CFAP299: variants seen among roughly 807,000 people sequenced by gnomAD.
CFAP299 encodes cilia and flagella associated protein 299, also known as cilia- and flagella-associated protein 299.
Under a neutral mutation model 27.0 loss-of-function variants are expected in CFAP299, and 21 were observed. The ratio of observed to expected loss-of-function variants is 0.78; its 90% CI spans 0.55 to 1.12. The LOEUF is 1.12. CFAP299 is among the 50% of genes most tolerant of loss of function. The pLI is 0.00. For missense variants in CFAP299, 310 were observed against 276.6 expected (o/e 1.12, Z -0.86); for synonymous variants, 104 against 98.1 (o/e 1.06, Z -0.36).
At chr4:80,737,670 T>G (rs1256954158) in intron 3 of CFAP299, among the ~76,000 whole-genome samples, 1 of 152,104 alleles carries the variant, frequency 6.6e-6, no homozygotes, top group African/African-American at 2.4e-5. Context: ...CCTCTGTCTT[T>G]TTTTCTTAGT....
chr4:80,935,617 A>G (rs929926158), intron 4 of CFAP299, among the ~76,000 whole-genome samples: 1 of 152,118 alleles, frequency 6.6e-6, no homozygotes, highest in South Asian at 2.1e-4. Context: ...AAAATCCTGG[A>G]AGACAAGCTA....
chr4:80,647,365 C>T (rs944668688), intron 3 of CFAP299, among the ~76,000 whole-genome samples: 3 of 152,100 alleles, frequency 2.0e-5, no homozygotes, highest in African/African-American at 7.2e-5. Flanking sequence ...TGAAAAATAT[C>T]AAGTAATGTT....
At chr4:80,933,471 A>G (rs113479542) in intron 4 of CFAP299, among the ~76,000 whole-genome samples, 12 of 152,192 alleles carry the variant, frequency 7.9e-5, no homozygotes, top group African/African-American at 2.4e-4. Context: ...AAATGGCAGG[A>G]TTTCCTTCTC....
At chr4:80,814,908 T>C (rs1456211704) in intron 3 of CFAP299, among the ~76,000 whole-genome samples, 3 of 151,962 alleles carry the variant, frequency 2.0e-5, no homozygotes, top group African/African-American at 7.2e-5. Flanking sequence ...ATCAGGGAAG[T>C]GCCTAAAGGG....
chr4:80,657,899 A>G (rs1025716427), intron 3 of CFAP299, among the ~76,000 whole-genome samples: 3 of 151,848 alleles, frequency 2.0e-5, no homozygotes, highest in African/African-American at 7.2e-5. Flanking sequence ...CCTCTCAAAT[A>G]ATTTCCTTGA....
chr4:80,685,109 T>C (rs7656507), intron 3 of CFAP299, among the ~76,000 whole-genome samples: 11,511 of 152,260 alleles, frequency 0.076, 643 homozygotes, highest in East Asian at 0.22. Flanking sequence ...AAAATCAGAA[T>C]TAAATACTCT....
chr4:80,561,840 C>G (rs1270252907), intron 2 of CFAP299, among the ~76,000 whole-genome samples: 1 of 152,086 alleles, frequency 6.6e-6, no homozygotes, highest in African/African-American at 2.4e-5. Context: ...AAGGGCAAAT[C>G]ACAGAAAAAC....
At chr4:80,355,351 T>C (rs578200981) in intron 1 of CFAP299, among the ~76,000 whole-genome samples, 1 of 136,396 alleles carries the variant, frequency 7.3e-6, no homozygotes, top group Admixed American at 8.5e-5. Context: ...TTCATGTCCT[T>C]TGCTTTTTTT....
intron 3 of CFAP299, among the ~76,000 whole-genome samples, chr4:80,869,534 G>A (rs990645056): frequency 6.6e-6 from 1 of 152,040 alleles, no homozygotes; most frequent in Non-Finnish European, 1.5e-5. Flanking sequence ...TTTCTTTGGA[G>A]ACGGAGTCTT....
intron 5 of CFAP299, among the ~76,000 whole-genome samples, chr4:80,962,498 T>C (rs1234291804): frequency 6.6e-6 from 1 of 151,878 alleles, no homozygotes; most frequent in Non-Finnish European, 1.5e-5. Context: ...TGTATACATA[T>C]GTAACTAACC....
At chr4:80,343,799 T>TAAAAAAAAA (rs35187249) in intron 1 of CFAP299, among the ~76,000 whole-genome samples, 2 of 75,360 alleles carry the variant, frequency 2.7e-5, no homozygotes, top group African/African-American at 6.0e-5. Flanking sequence ...AGACTCCGTC[T>TAAAAAAAAA]AAAAAAAAAA....
chr4:80,861,414 C>A (rs1244859629), intron 3 of CFAP299, among the ~76,000 whole-genome samples: 1 of 152,170 alleles, frequency 6.6e-6, no homozygotes, highest in Non-Finnish European at 1.5e-5. Flanking sequence ...TGCACTGAAC[C>A]CACTGACCTG....
At chr4:80,535,983 G>A (rs1426927502) in intron 2 of CFAP299, among the ~76,000 whole-genome samples, 1 of 152,156 alleles carries the variant, frequency 6.6e-6, no homozygotes, top group Non-Finnish European at 1.5e-5. Context: ...ACCACTGTGT[G>A]TGTTGAAGAT....
At chr4:80,447,603 C>T (rs970508688) in intron 2 of CFAP299, among the ~76,000 whole-genome samples, 13 of 151,952 alleles carry the variant, frequency 8.6e-5, no homozygotes, top group African/African-American at 2.9e-4. Flanking sequence ...TACAGGTATG[C>T]GCCACCATGC....
At chr4:80,615,408 G>GGAAGTCATACTTATTTACAAAGTAAA (rs1357563528) in intron 3 of CFAP299, among the ~76,000 whole-genome samples, 7 of 152,046 alleles carry the variant, frequency 4.6e-5, no homozygotes, top group Non-Finnish European at 8.8e-5. Context: ...ATGGGTTGTT[G>GGAAGTCATACTTATTTACAAAGTAAA]GAAGTCATAC....
At chr4:80,838,488 C>G (rs979929907) in intron 3 of CFAP299, among the ~76,000 whole-genome samples, 2 of 151,990 alleles carry the variant, frequency 1.3e-5, no homozygotes, top group Admixed American at 6.6e-5. Context: ...ATGGCTTGCC[C>G]ATTTTCCAAC....
intron 4 of CFAP299, among the ~76,000 whole-genome samples, chr4:80,894,979 A>G (rs769846478): frequency 8.6e-5 from 13 of 151,986 alleles, no homozygotes; most frequent in Non-Finnish European, 1.2e-4. Context: ...AGAACCAGGA[A>G]GTAGAAGAGT....
intron 3 of CFAP299, among the ~76,000 whole-genome samples, chr4:80,846,968 G>A (rs1255600425): frequency 6.6e-6 from 1 of 152,148 alleles, no homozygotes; most frequent in Non-Finnish European, 1.5e-5. Flanking sequence ...TCTTCTGCAA[G>A]AACAATGCCC....
At chr4:80,918,511 A>G (rs1263935468) in intron 4 of CFAP299, among the ~76,000 whole-genome samples, 3 of 152,110 alleles carry the variant, frequency 2.0e-5, no homozygotes, top group African/African-American at 7.2e-5. Context: ...AGATTTTATA[A>G]TACTATTATT....
Sources: gnomAD v4.1 joint callset for allele counts (sites outside exome capture counted in the v4.1 genomes callset) on GRCh38, gnomAD v4.1.1 for gene constraint, MANE v1.5 for transcripts, NCBI Gene and HGNC (gene_info 2026-07-23, HGNC 2026-07-21) for gene names.